The following CTSB variants were observed in gnomAD, a reference collection of about 807,000 sequenced individuals.
CTSB encodes APP secretase.
In CTSB, 57 loss-of-function variants were observed where a neutral mutation model predicts 44.3. The ratio of observed to expected loss-of-function variants is 1.29; its 90% CI spans 1.04 to 1.60. The LOEUF (loss-of-function observed/expected upper bound fraction) is 1.60. Ranked by LOEUF, CTSB falls within the 40% of genes most tolerant of loss-of-function variation. CTSB has a pLI of 0.00. For missense variants in CTSB, 768 were observed against 443.0 expected, an observed-to-expected ratio of 1.73 and a Z score of -6.59; for synonymous variants, 320 against 168.0, an observed-to-expected ratio of 1.91 and a Z score of -7.00.
At position 11,850,749 on chromosome 8, in the gene CTSB, CAGAAAG is replaced by C. The variant is rs1563400680; in HGVS notation, c.327+111_327+116del. ...TTTTGTACTGATGGAAACTGGGACT[CAGAAAG>C]TTTCTATAACTTGCCTTGTCAGAGT... On this transcript the variant is annotated intron_variant, in intron 4 of 9. Transcript: ENST00000353047. 3.9e-4 allele frequency: 244 copies of C among 630,152 alleles called. 1 individual carries two copies. In the East Asian group the frequency reaches 5.7e-3, roughly 15 times the overall value. The allele number at this position is 630,152 out of a possible 1,614,324, so 39.0% of individuals were successfully genotyped here.
chr8:11,867,660 C>G (rs1376739990), intron 1 of CTSB: 1 of 152,268 alleles, frequency 6.6e-6, no homozygotes, highest in African/African-American at 2.4e-5. Flanking sequence ...CCCGGCCGAG[C>G]TCTTCCTCGC....
At chr8:11,855,295 C>G (rs1815324288) in intron 1 of CTSB, among the ~76,000 whole-genome samples, 1 of 152,200 alleles carries the variant, frequency 6.6e-6, no homozygotes, top group South Asian at 2.1e-4. Flanking sequence ...GCTGCGATGA[C>G]AGGCGTGAGG....
chr8:11,845,108 G>C lies in CTSB; in HGVS notation c.*17C>G, dbSNP rs528794658. The C allele has an allele frequency of 3.2e-6, 5 of 1,579,196 alleles. No homozygotes were observed. The highest frequency in any genetic ancestry group is 1.7e-5 in the Admixed American group (1 of 59,926). On this transcript the variant is annotated 3_prime_UTR_variant, in exon 10 of 10. Coordinates refer to ENST00000353047, the MANE Select transcript of CTSB (RefSeq NM_001908.5). ...CCGATCTCGCCCCCAGGACTGGCACGACAGGCCCACGGCAGATTAGATCTT... is the reference window on the plus strand; with the variant it reads ...CCGATCTCGCCCCCAGGACTGGCACCACAGGCCCACGGCAGATTAGATCTT...
At chr8:11,862,456 T>C (rs1816577303) in intron 1 of CTSB, 1 of 152,250 alleles carries the variant, frequency 6.6e-6, no homozygotes, top group South Asian at 2.1e-4. Context: ...CCCAGAGTCA[T>C]CATTTCTATT....
At chr8:11,851,206 A>T (rs28577034) in intron 3 of CTSB, among the ~76,000 whole-genome samples, 54,978 of 150,210 alleles carry the variant, frequency 0.37, 10,152 homozygotes, top group East Asian at 0.5. Context: ...GGAGGGTGGG[A>T]GTGGACAGAA....
chr8:11,850,866 C>T lies in CTSB; in HGVS notation c.327G>A (p.Trp109Ter), dbSNP rs771218785. ...IRDQGSCGSCWAFGAVEAISD... is the reference protein window; with the variant it reads ...IRDQGSCGSC ...TCCCCGCCAGCCAGCAGGGCCTTAC[C>T]CAGCAGGAGCCACAGGAGCCCTGGT... Residue 109 changes from tryptophan (W) to a stop codon, truncating the protein, a stop_gained and splice_region_variant, in exon 4 of 10, where the codon TGG becomes TGA. Transcript: ENST00000353047. LOFTEE classifies it high-confidence loss of function. 4 of 1,610,314 alleles carry T rather than the reference C, an allele frequency of 2.5e-6. No individual in the cohort carries two copies. Among genetic ancestry groups the T allele is most frequent in the Non-Finnish European group, 2.5e-6 (3 of 1,177,372 alleles).
intron 1 of CTSB, among the ~76,000 whole-genome samples, chr8:11,860,947 G>T (rs555630124): frequency 5.3e-5 from 8 of 152,188 alleles, no homozygotes; most frequent in African/African-American, 1.9e-4. Flanking sequence ...CTCAATGCTG[G>T]AGCAGCCCTG....
intron 6 of CTSB, 28 bp downstream of exon 6, chr8:11,848,039 C>T (rs1378287322): frequency 1.3e-6 from 2 of 1,563,876 alleles, no homozygotes; most frequent in Non-Finnish European, 1.8e-6. Context: ...TCCATCTGGC[C>T]AGAAAGTGGC....
At chr8:11,847,860 C>G in intron 6 of CTSB, 38 bp from the exon 7 acceptor site, 2 of 1,477,060 alleles carry the variant, frequency 1.4e-6, no homozygotes, top group Non-Finnish European at 1.8e-6. Context: ...CAACCTACAG[C>G]CCCCACGGAG....
In CTSB at chr8:11,844,894, A is replaced by C. The variant is rs1379554880; in HGVS notation, c.*231T>G. On this transcript the variant is annotated 3_prime_UTR_variant, in exon 10 of 10. Transcript: ENST00000353047. Reference sequence around the variant, plus strand: ...GGTACTCCCTACGGCACTAGTCTACAGGGGGAAGGACGCTCTGTGCTGGCA... The same window carrying C: ...GGTACTCCCTACGGCACTAGTCTACCGGGGGAAGGACGCTCTGTGCTGGCA... 1 of 546,990 alleles carries C rather than the reference A, an allele frequency of 1.8e-6. No homozygotes were observed. The highest frequency in any genetic ancestry group is 3.3e-6 in the Non-Finnish European group (1 of 305,390). 33.9% of individuals were successfully genotyped at this position (546,990 alleles called of 1,614,324 possible). A position where few individuals can be genotyped will look rare whatever the true frequency, so the allele number is the denominator to read the frequency against.
Position 11,845,797 on chromosome 8 carries a change from G to T in CTSB, c.794-8C>A. ...TGACGTGTTGGTACACTCCTGAAAA[G>T]GGAAGAACTGGCTGAGACCGAGACC... On this transcript the variant is annotated splice_region_variant and splice_polypyrimidine_tract_variant and intron_variant, in intron 8 of 9. Coordinates refer to ENST00000353047, the MANE Select transcript of CTSB (RefSeq NM_001908.5). The T allele has an allele frequency of 6.2e-7, 1 of 1,608,838 alleles. No individual in the cohort carries two copies. Among genetic ancestry groups the T allele is most frequent in the Non-Finnish European group, 8.5e-7 (1 of 1,176,484 alleles).
At position 11,853,436 on chromosome 8, in the gene CTSB, A is replaced by T; in HGVS notation, c.19T>A (p.Ser7Thr). Residue 7 changes from serine to threonine, a missense_variant, in exon 2 of 10, where the codon TCC becomes ACC. Coordinates refer to ENST00000353047, the MANE Select transcript of CTSB (RefSeq NM_001908.5). ...GCCAACACCAGCAGGCAGCAGAGGG[A>T]GGCCCAGAGCTGCCACATGTTGGAA... The part of the protein sequence containing the change: MWQLWA[S>T]LCCLLVLANA... 6.2e-7 allele frequency: 1 copy of T among 1,611,886 alleles called. No individual in the cohort carries two copies. The highest frequency in any genetic ancestry group is 1.1e-5 in the South Asian group (1 of 90,890).
intron 3 of CTSB, among the ~76,000 whole-genome samples, chr8:11,851,740 C>G (rs973375861): frequency 3.3e-4 from 50 of 152,164 alleles, no homozygotes; most frequent in African/African-American, 1.1e-3. Context: ...CATCTCAGCT[C>G]ACCGCAACCT....
intron 4 of CTSB, 89 bp downstream of exon 4, chr8:11,850,777 G>C: frequency 2.4e-6 from 2 of 848,342 alleles, no homozygotes; most frequent in South Asian, 1.6e-5. Context: ...TGCCTTGTCA[G>C]AGTTGTCCCC....
At chr8:11,853,128 C>A (rs942998762) in intron 2 of CTSB, among the ~76,000 whole-genome samples, 2 of 152,084 alleles carry the variant, frequency 1.3e-5, no homozygotes, top group Non-Finnish European at 2.9e-5. Context: ...CATGCACACA[C>A]ACTCATGCAC....
chr8:11,851,034 A>C, intron 3 of CTSB, 54 bp from the exon 4 acceptor site: 1 of 1,357,188 alleles, frequency 7.4e-7, no homozygotes, highest in Non-Finnish European at 1.0e-6. Context: ...TCCCTCCCCA[A>C]TCCCTGCAAA....
chr8:11,848,956 C>T (rs1813986974), intron 5 of CTSB, 90 bp downstream of exon 5: 1 of 920,226 alleles, frequency 1.1e-6, no homozygotes, highest in Non-Finnish European at 1.7e-6. Context: ...CGCAGCAGTC[C>T]CAGGAAGTCC....
chr8:11,863,726 CAG>C (rs1013579162), intron 1 of CTSB, among the ~76,000 whole-genome samples: 50 of 152,128 alleles, frequency 3.3e-4, no homozygotes, highest in Middle Eastern at 3.2e-3. Context: ...GAAATTAAAA[CAG>C]GGGTACCACT....
chr8:11,864,810 A>G (rs893760547), intron 1 of CTSB, among the ~76,000 whole-genome samples: 5 of 152,008 alleles, frequency 3.3e-5, no homozygotes, highest in African/African-American at 1.2e-4. Flanking sequence ...GCTACTCCGG[A>G]GGCTGAGGCA....
Sources: allele counts gnomAD v4.1 joint callset (sites outside exome capture counted in the v4.1 genomes callset), GRCh38; gene constraint gnomAD v4.1.1; transcripts MANE v1.5; gene names NCBI Gene and HGNC (gene_info 2026-07-23, HGNC 2026-07-21).